GMDS: variants seen among roughly 807,000 people sequenced by gnomAD.
GMDS encodes GDP-mannose 4,6-dehydratase.
In GMDS, 20 loss-of-function variants were observed where a neutral mutation model predicts 49.9. The observed-to-expected ratio is 0.40, with a 90% CI of 0.28 to 0.58. The LOEUF is 0.58. Ranked by LOEUF, GMDS falls within the 20% of genes least tolerant of loss-of-function variation. GMDS has a pLI of 0.42. For synonymous variants in GMDS, 177 were observed against 178.6 expected (o/e 0.99, Z 0.07); for missense variants, 362 against 481.4 (o/e 0.75, Z 2.32).
At chr6:1,874,509 GT>G (rs1274592437) in intron 7 of GMDS, among the ~76,000 whole-genome samples, 12 of 152,086 alleles carry the variant, frequency 7.9e-5, no homozygotes, top group African/African-American at 2.9e-4. Flanking sequence ...ATTAATCCTA[GT>G]TTCCATGCTT....
chr6:2,167,752 T>C (rs79932853), intron 1 of GMDS, among the ~76,000 whole-genome samples: 2,804 of 151,728 alleles, frequency 0.018, 95 homozygotes, highest in African/African-American at 0.062. Flanking sequence ...ATAATTCCTC[T>C]GGCTGCTCTT....
At chr6:1,751,875 A>G (rs6421935) in intron 7 of GMDS, among the ~76,000 whole-genome samples, 147,501 of 150,608 alleles carry the variant, frequency 0.98, 72,243 homozygotes, top group East Asian at 1. Flanking sequence ...AACTCCATCC[A>G]AAGGTCACCA....
intron 7 of GMDS, among the ~76,000 whole-genome samples, chr6:1,863,742 T>G (rs545709989): frequency 1.5e-4 from 23 of 152,178 alleles, no homozygotes; most frequent in Non-Finnish European, 8.8e-5. Context: ...AGTATAGTAG[T>G]TTGATAATCT....
intron 7 of GMDS, among the ~76,000 whole-genome samples, chr6:1,925,083 T>C (rs868378572): frequency 2.0e-5 from 3 of 152,374 alleles, no homozygotes; most frequent in Non-Finnish European, 2.9e-5. Context: ...TAAATACTAA[T>C]TTTTGTTCAA....
intron 6 of GMDS, among the ~76,000 whole-genome samples, chr6:1,939,887 G>A (rs2628436): frequency 0.64 from 97,348 of 151,970 alleles, 31,347 homozygotes; most frequent in East Asian, 0.83. Flanking sequence ...GCAACCTTGG[G>A]CGCCCTCTGA....
intron 6 of GMDS, among the ~76,000 whole-genome samples, chr6:1,954,495 T>G (rs1170241379): frequency 3.9e-5 from 6 of 152,274 alleles, no homozygotes; most frequent in Non-Finnish European, 8.8e-5. Context: ...TAGAATTTGT[T>G]TCAGAATTGG....
chr6:1,738,596 T>C (rs532193974), intron 8 of GMDS, among the ~76,000 whole-genome samples: 3 of 152,310 alleles, frequency 2.0e-5, no homozygotes, highest in Admixed American at 2.0e-4. Context: ...CAGATGCTGA[T>C]TGGTGTGTCT....
intron 1 of GMDS, among the ~76,000 whole-genome samples, chr6:2,222,156 C>T (rs192426825): frequency 8.9e-4 from 136 of 152,306 alleles, no homozygotes; most frequent in African/African-American, 2.5e-3. Flanking sequence ...CACCAAATTA[C>T]GATGCAAATT....
intron 1 of GMDS, among the ~76,000 whole-genome samples, chr6:2,239,297 C>T (rs1297068072): frequency 6.7e-6 from 1 of 148,976 alleles, no homozygotes; most frequent in Non-Finnish European, 1.5e-5. Flanking sequence ...CACCATTGCA[C>T]TCCAGCCTAG....
chr6:2,086,992 A>G (rs1773054101), intron 4 of GMDS, among the ~76,000 whole-genome samples: 1 of 152,248 alleles, frequency 6.6e-6, no homozygotes, highest in Non-Finnish European at 1.5e-5. Context: ...ATATTAACAT[A>G]AAAAACTTGT....
At chr6:1,831,787 C>A (rs1215010437) in intron 7 of GMDS, among the ~76,000 whole-genome samples, 2 of 151,932 alleles carry the variant, frequency 1.3e-5, no homozygotes. Context: ...ATGTTCAATC[C>A]CTGGTAGCCT....
rs2296132 is a variant in GMDS, at chr6:1,872,265, A to C, written c.771+57838T>G. Among the ~76,000 whole-genome samples the C allele has an allele frequency of 2.7e-4, 41 of 152,376 alleles. No individual in the cohort carries two copies. The East Asian group carries it at 6.5e-3, about 24-fold the overall frequency. ...GATTGCTTGTTTTCACAAAGGGAACAGATAATATTTTAACTGTAATAATTC... is the reference window on the plus strand; with the variant it reads ...GATTGCTTGTTTTCACAAAGGGAACCGATAATATTTTAACTGTAATAATTC... On this transcript the variant is annotated intron_variant, in intron 7 of 10. Coordinates refer to ENST00000380815, the MANE Select transcript of GMDS (RefSeq NM_001500.4).
intron 1 of GMDS, among the ~76,000 whole-genome samples, chr6:2,234,609 C>CAAAAAAAAT (rs1554101278): frequency 6.6e-6 from 1 of 150,514 alleles, no homozygotes; most frequent in Non-Finnish European, 1.5e-5. Flanking sequence ...AACTCCGTAT[C>CAAAAAAAAT]AAAAAAAATA....
chr6:1,737,568 C>G (rs1483210028), intron 8 of GMDS, among the ~76,000 whole-genome samples: 1 of 144,458 alleles, frequency 6.9e-6, no homozygotes, highest in Admixed American at 6.9e-5. Context: ...ACACACACAC[C>G]ACACACACAA....
chr6:1,808,902 CTCTGTG>C (rs112769748), intron 7 of GMDS, among the ~76,000 whole-genome samples: 1,505 of 127,344 alleles, frequency 0.012, 30 homozygotes, highest in African/African-American at 0.048. Context: ...TGCATGCTCT[CTCTGTG>C]TGTGTGTGTG....
intron 7 of GMDS, among the ~76,000 whole-genome samples, chr6:1,773,654 G>T (rs1221953072): frequency 1.3e-5 from 2 of 152,206 alleles, no homozygotes; most frequent in Non-Finnish European, 2.9e-5. Flanking sequence ...AGATGGACTG[G>T]CCCAGTTCTC....
At chr6:1,987,963 G>A (rs764829448) in intron 4 of GMDS, among the ~76,000 whole-genome samples, 1 of 152,134 alleles carries the variant, frequency 6.6e-6, no homozygotes, top group Non-Finnish European at 1.5e-5. Context: ...GTCACAGTTA[G>A]TAAGCAACAG....
At chr6:2,005,361 A>G (rs1025188536) in intron 4 of GMDS, among the ~76,000 whole-genome samples, 5 of 152,122 alleles carry the variant, frequency 3.3e-5, no homozygotes, top group Admixed American at 6.6e-5. Flanking sequence ...ATGGCCATTT[A>G]CCCCTCAGGA....
chr6:1,901,046 C>T (rs553894411), intron 7 of GMDS, among the ~76,000 whole-genome samples: 6 of 152,350 alleles, frequency 3.9e-5, no homozygotes, highest in African/African-American at 9.6e-5. Flanking sequence ...CAACCATCCA[C>T]GTCAGAGAAC....
Sources: gnomAD v4.1 joint callset for allele counts (sites outside exome capture counted in the v4.1 genomes callset) on GRCh38, gnomAD v4.1.1 for gene constraint, MANE v1.5 for transcripts, NCBI Gene and HGNC (gene_info 2026-07-23, HGNC 2026-07-21) for gene names.